Variants in GRM5 observed in about 807,000 individuals in gnomAD.
GRM5 encodes the protein metabotropic glutamate receptor 5.
In GRM5, 19 loss-of-function variants were observed where a neutral mutation model predicts 83.1. The ratio of observed to expected loss-of-function variants is 0.23; its 90% CI spans 0.16 to 0.34. The LOEUF (loss-of-function observed/expected upper bound fraction) is 0.34, where lower values mean the gene tolerates loss of function less well. GRM5 is among the 10% of genes least tolerant of loss of function. The pLI is 1.00. For synonymous variants in GRM5, 675 were observed against 633.6 expected (o/e 1.07, Z -0.98); for missense variants, 1,160 against 1,588.3 (o/e 0.73, Z 4.58).
At chr11:88,828,687 G>A (rs1453938530) in intron 3 of GRM5, among the ~76,000 whole-genome samples, 3 of 152,044 alleles carry the variant, frequency 2.0e-5, no homozygotes, top group Non-Finnish European at 4.4e-5. Flanking sequence ...TATAAGGATT[G>A]GAGATAAATT....
At chr11:88,574,012 T>G (rs983656188) in intron 7 of GRM5, among the ~76,000 whole-genome samples, 1 of 152,208 alleles carries the variant, frequency 6.6e-6, no homozygotes, top group Non-Finnish European at 1.5e-5. Flanking sequence ...TGTGAGACAT[T>G]GAGGAAACTC....
intron 2 of GRM5, among the ~76,000 whole-genome samples, chr11:89,029,500 A>G (rs7108722): frequency 0.55 from 83,749 of 151,990 alleles, 25,275 homozygotes; most frequent in African/African-American, 0.82. Flanking sequence ...ATATACATAC[A>G]TATAGCATAT....
chr11:88,870,976 T>C (rs1302074665), intron 2 of GRM5, among the ~76,000 whole-genome samples: 1 of 151,598 alleles, frequency 6.6e-6, no homozygotes, highest in Non-Finnish European at 1.5e-5. Flanking sequence ...ATGGTGGATA[T>C]GCTAAATTAG....
chr11:88,997,284 G>A (rs1253861976), intron 2 of GRM5, among the ~76,000 whole-genome samples: 6 of 146,794 alleles, frequency 4.1e-5, no homozygotes, highest in South Asian at 4.3e-4. Flanking sequence ...CCAAGATTGC[G>A]CCACTGTACT....
intron 3 of GRM5, among the ~76,000 whole-genome samples, chr11:88,737,785 C>G (rs762969717): frequency 2.0e-5 from 3 of 152,020 alleles, no homozygotes; most frequent in Non-Finnish European, 2.9e-5. Context: ...TCTATCTATA[C>G]TACAATATGC....
In GRM5 at chr11:88,793,927, G is replaced by A. The variant is rs190519180; in HGVS notation, c.911+55979C>T. Among the ~76,000 whole-genome samples, 21 of 152,266 alleles carry A rather than the reference G, an allele frequency of 1.4e-4. 1 individual carries two copies. Among genetic ancestry groups the A allele is most frequent in the Admixed American group, 9.8e-4 (15 of 15,286 alleles). On this transcript the variant is annotated intron_variant, in intron 3 of 9. Transcript: ENST00000305447. The stretch of plus-strand genomic sequence containing the variant: ...TGACACTTCAACCTGCTGGGCTCCT[G>A]TGGTCCTCCTGTCTCAGCCTCCTGA...
rs183464995 is a variant in GRM5 at position 88,655,462 on chromosome 11, G to A, written c.912-2059C>T. On this transcript the variant is annotated intron_variant, in intron 3 of 9. Coordinates refer to ENST00000305447, the MANE Select transcript of GRM5 (RefSeq NM_001143831.3). Reference sequence around the variant, plus strand: ...TTGCTCCTTTTGTTAACATTAGCTCGCTCTTATGTAACACTATGATTATGA... The same window carrying A: ...TTGCTCCTTTTGTTAACATTAGCTCACTCTTATGTAACACTATGATTATGA... Among the ~76,000 whole-genome samples, 671 of 152,108 alleles carry A rather than the reference G, an allele frequency of 4.4e-3. 8 individuals carry two copies. Among genetic ancestry groups the A allele is most frequent in the South Asian group, 0.03 (144 of 4,822 alleles).
At chr11:88,967,250 T>C (rs971143855) in intron 2 of GRM5, among the ~76,000 whole-genome samples, 52 of 2,080 alleles carry the variant, frequency 0.025, no homozygotes, top group South Asian at 0.18. Flanking sequence ...TATATACACA[T>C]ATATATATAT....
chr11:88,881,568 G>A (rs1293620628), intron 2 of GRM5, among the ~76,000 whole-genome samples: 1 of 152,170 alleles, frequency 6.6e-6, no homozygotes, highest in Non-Finnish European at 1.5e-5. Flanking sequence ...TTCACTAGAA[G>A]AAAAGCAGTA....
At chr11:88,808,085 A>G (rs557544125) in intron 3 of GRM5, among the ~76,000 whole-genome samples, 1 of 152,130 alleles carries the variant, frequency 6.6e-6, no homozygotes, top group Non-Finnish European at 1.5e-5. Context: ...ACTATTCAAT[A>G]ATTGTGTATG....
At chr11:88,800,194 A>C (rs10831456) in intron 3 of GRM5, among the ~76,000 whole-genome samples, 61,437 of 151,980 alleles carry the variant, frequency 0.4, 14,096 homozygotes, top group African/African-American at 0.61. Context: ...ATTGAGGCTT[A>C]AAAGGAGGGC....
chr11:88,867,614 G>T (rs772190006), intron 2 of GRM5, among the ~76,000 whole-genome samples: 108 of 151,690 alleles, frequency 7.1e-4, no homozygotes, highest in Middle Eastern at 3.4e-3. Context: ...TGTATACAAG[G>T]TCTTTAAAAA....
intron 3 of GRM5, among the ~76,000 whole-genome samples, chr11:88,770,088 C>T (rs1270553883): frequency 1.3e-5 from 2 of 152,046 alleles, no homozygotes; most frequent in East Asian, 1.9e-4. Context: ...AACCCATAAC[C>T]CTAATTTACC....
chr11:89,023,167 G>A (rs531580975), intron 2 of GRM5, among the ~76,000 whole-genome samples: 18 of 151,896 alleles, frequency 1.2e-4, no homozygotes, highest in African/African-American at 2.4e-4. Flanking sequence ...GTGTGTGTGC[G>A]CGCGCGTGCA....
chr11:88,963,616 T>C (rs1461270895), intron 2 of GRM5, among the ~76,000 whole-genome samples: 1 of 152,220 alleles, frequency 6.6e-6, no homozygotes, highest in Non-Finnish European at 1.5e-5. Flanking sequence ...CTAGACCCCA[T>C]GACATTGTGC....
At chr11:89,064,165 C>T (rs902575439) in intron 1 of GRM5, among the ~76,000 whole-genome samples, 1 of 152,116 alleles carries the variant, frequency 6.6e-6, no homozygotes, top group African/African-American at 2.4e-5. Flanking sequence ...TTCTTGCTGC[C>T]CTGACTACCT....
At chr11:88,715,658 C>T (rs899369784) in intron 3 of GRM5, among the ~76,000 whole-genome samples, 4 of 151,900 alleles carry the variant, frequency 2.6e-5, no homozygotes, top group African/African-American at 7.2e-5. Flanking sequence ...GTAATGCTGA[C>T]GGTGTACTGT....
chr11:88,537,404 A>C (rs1942160611), intron 8 of GRM5, among the ~76,000 whole-genome samples: 1 of 152,180 alleles, frequency 6.6e-6, no homozygotes, highest in Admixed American at 6.5e-5. Context: ...ATCAGTTTCG[A>C]TGTGTGGGAT....
intron 4 of GRM5, among the ~76,000 whole-genome samples, chr11:88,626,735 A>T (rs915250765): frequency 1.3e-5 from 2 of 152,218 alleles, no homozygotes; most frequent in Non-Finnish European, 2.9e-5. Context: ...AATTAGGTTT[A>T]GATGAGCTAA....
Sources: gnomAD v4.1 joint callset for allele counts (sites outside exome capture counted in the v4.1 genomes callset) on GRCh38, gnomAD v4.1.1 for gene constraint, MANE v1.5 for transcripts, NCBI Gene and HGNC (gene_info 2026-07-23, HGNC 2026-07-21) for gene names.